Variants in TMEM182 observed in about 807,000 individuals in gnomAD.
TMEM182 encodes transmembrane protein 182.
TMEM182 carries 20 observed loss-of-function variants against 26.8 expected under a neutral mutation model. The observed-to-expected ratio is 0.75, with a 90% CI of 0.53 to 1.09. TMEM182 has a LOEUF of 1.09. Ranked by LOEUF, TMEM182 falls within the 50% of genes least tolerant of loss-of-function variation. The pLI is 0.00. For synonymous variants in TMEM182, 109 were observed against 102.2 expected (o/e 1.07, Z -0.40); for missense variants, 277 against 275.5 (o/e 1.01, Z -0.04).
intron 1 of TMEM182, among the ~76,000 whole-genome samples, chr2:102,754,176 G>A (rs10490199): frequency 0.14 from 20,586 of 152,106 alleles, 1,717 homozygotes; most frequent in East Asian, 0.19. Context: ...CTAGGATGAT[G>A]GGCCACAGTC....
At position 102,816,540 on chromosome 2, in the gene TMEM182, T is replaced by C; in HGVS notation, c.*1572T>C. The C allele has an allele frequency of 2.1e-6, 2 of 967,452 alleles. No homozygotes were observed. Among genetic ancestry groups the C allele is most frequent in the Non-Finnish European group, 2.5e-6 (2 of 815,118 alleles). 59.9% of individuals were successfully genotyped at this position (967,452 alleles called of 1,614,324 possible). A position where few individuals can be genotyped will look rare whatever the true frequency, so the allele number is the denominator to read the frequency against. On this transcript the variant is annotated 3_prime_UTR_variant, in exon 5 of 5. Coordinates refer to ENST00000412401, the MANE Select transcript of TMEM182 (RefSeq NM_144632.5). ...ATAATAATAATAATAATAATAATAA[T>C]AATAATAAAGCTCCAGAGGCCTAAC...
chr2:102,835,973 C>T (rs1683239739), intron 3 of TMEM182, among the ~76,000 whole-genome samples: 1 of 151,422 alleles, frequency 6.6e-6, no homozygotes, highest in Non-Finnish European at 1.5e-5. Flanking sequence ...ACAGAATGTT[C>T]TATAGTTGGA....
At chr2:102,826,301 CTTTTTT>C (rs375776814) in intron 3 of TMEM182, among the ~76,000 whole-genome samples, 1 of 120,066 alleles carries the variant, frequency 8.3e-6, no homozygotes, top group Admixed American at 8.6e-5. Context: ...CTGCAGCTGG[CTTTTTT>C]TTTTTTTTTT....
upstream of TMEM182, among the ~76,000 whole-genome samples, chr2:102,759,061 A>G (rs1210907623): frequency 1.3e-5 from 2 of 152,178 alleles, no homozygotes; most frequent in Non-Finnish European, 2.9e-5. Context: ...AACCTAGTCC[A>G]GAAAGATGAT....
chr2:102,834,013 A>G (rs1036366826), intron 3 of TMEM182, among the ~76,000 whole-genome samples: 3 of 152,232 alleles, frequency 2.0e-5, no homozygotes, highest in African/African-American at 7.2e-5. Flanking sequence ...TGGGTCAGCC[A>G]TGGAACCTAG....
chr2:102,800,183 A>G (rs185435897), intron 4 of TMEM182, among the ~76,000 whole-genome samples: 2 of 152,346 alleles, frequency 1.3e-5, no homozygotes, highest in Admixed American at 6.5e-5. Flanking sequence ...TTTGATGTGT[A>G]TAATTCAGCG....
At chr2:102,756,763 C>T (rs1042373205) in intron 1 of TMEM182, among the ~76,000 whole-genome samples, 2 of 152,128 alleles carry the variant, frequency 1.3e-5, no homozygotes, top group Non-Finnish European at 2.9e-5. Flanking sequence ...CTCAAGATCA[C>T]TCATTAATGA....
upstream of TMEM182, among the ~76,000 whole-genome samples, chr2:102,760,446 A>G (rs1480925711): frequency 6.6e-6 from 1 of 152,214 alleles, no homozygotes; most frequent in African/African-American, 2.4e-5. Flanking sequence ...GATGTCCTTA[A>G]ATGCCACAGG....
In TMEM182 at chr2:102,799,150, A is replaced by G. The variant is rs574414629; in HGVS notation, c.469+1150A>G. On this transcript the variant is annotated intron_variant, in intron 4 of 4. Transcript: ENST00000412401. Reference sequence around the variant, plus strand: ...GACCAAACTGTACATACTATGCTGTATTGTAACATCAAACCAGAGTGACAG... The same window carrying G: ...GACCAAACTGTACATACTATGCTGTGTTGTAACATCAAACCAGAGTGACAG... Among the ~76,000 whole-genome samples, 39 of 152,350 alleles carry G rather than the reference A, an allele frequency of 2.6e-4. No homozygotes were observed. The South Asian group carries it at 4.8e-3, about 19-fold the overall frequency.
chr2:102,745,737 G>GAT (rs1311615006), intron 1 of TMEM182, among the ~76,000 whole-genome samples: 1 of 152,076 alleles, frequency 6.6e-6, no homozygotes, highest in African/African-American at 2.4e-5. Context: ...TTATACAATA[G>GAT]ATATTACTTT....
intron 3 of TMEM182, among the ~76,000 whole-genome samples, chr2:102,774,415 C>T (rs1157754065): frequency 6.6e-6 from 1 of 151,358 alleles, no homozygotes; most frequent in African/African-American, 2.4e-5. Context: ...GCCACCATGC[C>T]TGGCTAATTT....
In TMEM182 at chr2:102,776,862, C is replaced by T. The variant is rs547910029; in HGVS notation, c.331+12435C>T. Among the ~76,000 whole-genome samples the T allele has an allele frequency of 2.0e-4, 30 of 152,252 alleles. 1 individual carries two copies. In the East Asian group the frequency reaches 2.7e-3, roughly 14 times the overall value. The stretch of plus-strand genomic sequence containing the variant: ...AGCCATTCGAATAGGTGTGTAGTAG[C>T]ATCTCATTGTTTTAATCTGCAATTC... On this transcript the variant is annotated intron_variant, in intron 3 of 4. Transcript: ENST00000412401.
chr2:102,820,620 A>T (rs952518947), downstream of TMEM182, among the ~76,000 whole-genome samples: 1 of 152,226 alleles, frequency 6.6e-6, no homozygotes, highest in African/African-American at 2.4e-5. Flanking sequence ...AAAAGTGGAA[A>T]CAAAAGGATT....
intron 3 of TMEM182, among the ~76,000 whole-genome samples, chr2:102,776,048 G>T (rs895470040): frequency 3.9e-5 from 6 of 151,992 alleles, no homozygotes; most frequent in African/African-American, 1.2e-4. Context: ...ACTTTTAATG[G>T]CAGTTTTATA....
At chr2:102,838,342 G>A (rs545390091) in intron 3 of TMEM182, among the ~76,000 whole-genome samples, 11 of 152,274 alleles carry the variant, frequency 7.2e-5, no homozygotes, top group Admixed American at 7.2e-4. Context: ...CTCCTCTTAA[G>A]GGCTCCTATT....
chr2:102,783,811 A>C (rs1237792860), intron 3 of TMEM182, among the ~76,000 whole-genome samples: 5 of 152,190 alleles, frequency 3.3e-5, no homozygotes, highest in Non-Finnish European at 7.3e-5. Context: ...AAACAAAAAA[A>C]CAGCAATGAT....
intron 1 of TMEM182, among the ~76,000 whole-genome samples, chr2:102,738,826 C>G (rs1679461489): frequency 6.6e-6 from 1 of 152,114 alleles, no homozygotes; most frequent in South Asian, 2.1e-4. Flanking sequence ...AATTTAGACT[C>G]AAAGATGGCC....
At chr2:102,770,094 G>A (rs974718601) in intron 3 of TMEM182, among the ~76,000 whole-genome samples, 1 of 152,148 alleles carries the variant, frequency 6.6e-6, no homozygotes, top group Non-Finnish European at 1.5e-5. Context: ...AAAGAAGACA[G>A]TAAAATACCA....
intron 4 of TMEM182, among the ~76,000 whole-genome samples, chr2:102,806,866 G>A (rs768588475): frequency 6.6e-6 from 1 of 152,186 alleles, no homozygotes; most frequent in African/African-American, 2.4e-5. Context: ...AGTGTAAAGT[G>A]TGAAACTTTG....
Sources: allele counts gnomAD v4.1 joint callset (sites outside exome capture counted in the v4.1 genomes callset), GRCh38; gene constraint gnomAD v4.1.1; transcripts MANE v1.5; gene names NCBI Gene and HGNC (gene_info 2026-07-23, HGNC 2026-07-21).